DPP10: variants seen among roughly 807,000 people sequenced by gnomAD.
DPP10 encodes inactive dipeptidyl peptidase 10.
In DPP10, 33 loss-of-function variants were observed where a neutral mutation model predicts 120.9. The ratio of observed to expected loss-of-function variants is 0.27; its 90% CI spans 0.21 to 0.37. The LOEUF (loss-of-function observed/expected upper bound fraction) is 0.37, where lower values mean the gene tolerates loss of function less well. DPP10 is among the 10% of genes least tolerant of loss of function. DPP10 has a pLI of 1.00. For missense variants in DPP10, 816 were observed against 942.8 expected (o/e 0.87, Z 1.76); for synonymous variants, 337 against 326.1 (o/e 1.03, Z -0.36).
At chr2:115,662,686 A>C (rs1332062887) in intron 5 of DPP10, among the ~76,000 whole-genome samples, 1 of 152,188 alleles carries the variant, frequency 6.6e-6, no homozygotes, top group Non-Finnish European at 1.5e-5. Context: ...CTGTTGGTAG[A>C]AATGTAAATT....
chr2:114,544,085 G>A (rs1188463619), intron 1 of DPP10, among the ~76,000 whole-genome samples: 1 of 152,126 alleles, frequency 6.6e-6, no homozygotes, highest in African/African-American at 2.4e-5. Context: ...TGTCCAGTAG[G>A]GGAAGGGAGC....
chr2:114,646,162 A>ATAAATAAG (rs1696110704), intron 1 of DPP10, among the ~76,000 whole-genome samples: 1 of 103,934 alleles, frequency 9.6e-6, no homozygotes, highest in Non-Finnish European at 2.0e-5. Flanking sequence ...TCAGTCTCAA[A>ATAAATAAG]TAAATAAATA....
intron 1 of DPP10, among the ~76,000 whole-genome samples, chr2:114,810,223 G>A (rs75550668): frequency 0.013 from 2,012 of 152,286 alleles, 40 homozygotes; most frequent in African/African-American, 0.04. Flanking sequence ...TAAATATGAA[G>A]AGTGATTTCT....
intron 1 of DPP10, among the ~76,000 whole-genome samples, chr2:115,000,404 G>T (rs1701363092): frequency 6.6e-6 from 1 of 152,072 alleles, no homozygotes; most frequent in Non-Finnish European, 1.5e-5. Context: ...AATAACTCCA[G>T]CAAATAAATA....
intron 3 of DPP10, among the ~76,000 whole-genome samples, chr2:115,497,631 A>G (rs1455842470): frequency 1.3e-5 from 2 of 151,876 alleles, no homozygotes; most frequent in African/African-American, 2.4e-5. Flanking sequence ...TATGTTCATC[A>G]CAATCAAGAA....
intron 5 of DPP10, among the ~76,000 whole-genome samples, chr2:115,685,199 T>C (rs2090918465): frequency 6.6e-6 from 1 of 151,974 alleles, no homozygotes; most frequent in Non-Finnish European, 1.5e-5. Flanking sequence ...TAAAGCACTA[T>C]GCAGAATCTG....
intron 3 of DPP10, among the ~76,000 whole-genome samples, chr2:115,373,315 T>C (rs1440551729): frequency 2.6e-5 from 4 of 152,216 alleles, no homozygotes; most frequent in Non-Finnish European, 5.9e-5. Context: ...TAGGGAGGTC[T>C]TATAAGATCA....
intron 3 of DPP10, among the ~76,000 whole-genome samples, chr2:115,454,710 A>C (rs566618598): frequency 6.6e-6 from 1 of 151,852 alleles, no homozygotes; most frequent in Admixed American, 6.6e-5. Flanking sequence ...CATAGTACTG[A>C]AAGATCTAGC....
At chr2:114,515,600 C>A (rs1203555552) in intron 1 of DPP10, among the ~76,000 whole-genome samples, 1 of 151,934 alleles carries the variant, frequency 6.6e-6, no homozygotes, top group Non-Finnish European at 1.5e-5. Context: ...TATTGTGTAT[C>A]CAAAAAAAAG....
chr2:114,633,872 C>G (rs1468880593), intron 1 of DPP10, among the ~76,000 whole-genome samples: 1 of 151,774 alleles, frequency 6.6e-6, no homozygotes, highest in Non-Finnish European at 1.5e-5. Context: ...GCCTTAGCCT[C>G]ACAAAGTGCT....
intron 1 of DPP10, among the ~76,000 whole-genome samples, chr2:115,155,322 G>A (rs2051838378): frequency 6.6e-6 from 1 of 152,194 alleles, no homozygotes; most frequent in Non-Finnish European, 1.5e-5. Context: ...GGAAGGTTGT[G>A]AAAGGTGTTG....
chr2:114,499,368 A>G (rs1189742120), intron 1 of DPP10, among the ~76,000 whole-genome samples: 1 of 152,142 alleles, frequency 6.6e-6, no homozygotes, highest in East Asian at 1.9e-4. Flanking sequence ...CTCTCCCTGG[A>G]TGAACTCTTC....
chr2:115,603,099 TA>T (rs1340728925), intron 5 of DPP10, among the ~76,000 whole-genome samples: 2 of 150,194 alleles, frequency 1.3e-5, no homozygotes, highest in Admixed American at 1.3e-4. Context: ...TGCTGAATGT[TA>T]TCATTTAAAA....
chr2:115,372,807 C>T (rs1264532206), intron 3 of DPP10, among the ~76,000 whole-genome samples: 2 of 152,122 alleles, frequency 1.3e-5, no homozygotes, highest in African/African-American at 4.8e-5. Context: ...AGAATGAGTG[C>T]AGTTATTCCT....
intron 4 of DPP10, among the ~76,000 whole-genome samples, chr2:115,508,849 G>A (rs2077083517): frequency 6.6e-6 from 1 of 152,200 alleles, no homozygotes; most frequent in Non-Finnish European, 1.5e-5. Flanking sequence ...GTTGCAGTGA[G>A]CTGAGATAGC....
rs542056488 is a variant in DPP10 at position 114,482,169 on chromosome 2, C to T, written c.60+39331C>T. 3.1e-3 allele frequency among the ~76,000 whole-genome samples: 466 copies of T among 152,092 alleles called. 3 individuals carry two copies. Among genetic ancestry groups the T allele is most frequent in the African/African-American group, 0.011 (453 of 41,510 alleles). The stretch of plus-strand genomic sequence containing the variant: ...ATTTGGGTGAGAACACAGAACCAAA[C>T]CATATTAGTTACAGACTGTATAATT... On this transcript the variant is annotated intron_variant, in intron 1 of 25. Coordinates refer to ENST00000410059, the MANE Select transcript of DPP10 (RefSeq NM_020868.6).
intron 1 of DPP10, among the ~76,000 whole-genome samples, chr2:114,581,450 T>G (rs2105088390): frequency 6.6e-6 from 1 of 152,266 alleles, no homozygotes; most frequent in East Asian, 1.9e-4. Flanking sequence ...CCCAAAGTGC[T>G]GAGATTACAG....
chr2:114,688,335 A>G (rs1324672271), intron 1 of DPP10, among the ~76,000 whole-genome samples: 1 of 151,992 alleles, frequency 6.6e-6, no homozygotes, highest in Non-Finnish European at 1.5e-5. Context: ...CTGTAAAAGT[A>G]GAGTAATAAT....
chr2:115,836,079 A>G (rs1689459164), intron 21 of DPP10, 78 bp from the exon 22 acceptor site: 3 of 723,428 alleles, frequency 4.1e-6, no homozygotes, highest in Non-Finnish European at 2.0e-6. Context: ...TAGTTGTTAT[A>G]TATAAATTTG....
Sources: allele counts gnomAD v4.1 joint callset (sites outside exome capture counted in the v4.1 genomes callset), GRCh38; gene constraint gnomAD v4.1.1; transcripts MANE v1.5; gene names NCBI Gene and HGNC (gene_info 2026-07-23, HGNC 2026-07-21).